Variants in SDK1 observed in about 807,000 individuals in gnomAD.
The protein encoded by SDK1 is protein sidekick-1.
In SDK1, 157 loss-of-function variants were observed where a neutral mutation model predicts 245.5. The observed-to-expected ratio is 0.64, with a 90% CI of 0.56 to 0.73. SDK1 has a LOEUF of 0.73. Among genes scored for constraint, SDK1 ranks in the 30% least tolerant of loss-of-function variants. The pLI is 0.00. For synonymous variants in SDK1, 1,647 were observed against 1,278.5 expected, an observed-to-expected ratio of 1.29 and a Z score of -6.15; for missense variants, 3,583 against 3,002.3, an observed-to-expected ratio of 1.19 and a Z score of -4.52.
At chr7:4,029,610 G>T (rs1467256852) in intron 17 of SDK1, among the ~76,000 whole-genome samples, 1 of 152,064 alleles carries the variant, frequency 6.6e-6, no homozygotes, top group Non-Finnish European at 1.5e-5. Context: ...GTCATTAGAT[G>T]GACTCCCACT....
At chr7:3,890,662 G>A (rs1199480473) in intron 5 of SDK1, among the ~76,000 whole-genome samples, 1 of 151,676 alleles carries the variant, frequency 6.6e-6, no homozygotes, top group Non-Finnish European at 1.5e-5. Flanking sequence ...AAAAAAAGTA[G>A]CGGGTGTGGT....
At chr7:4,106,647 C>A (rs1584152059) in intron 22 of SDK1, among the ~76,000 whole-genome samples, 1 of 152,212 alleles carries the variant, frequency 6.6e-6, no homozygotes, top group South Asian at 2.1e-4. Flanking sequence ...GCAGAGGGAG[C>A]CGCACGCCCG....
intron 1 of SDK1, among the ~76,000 whole-genome samples, chr7:3,608,049 A>T (rs1434562432): frequency 6.6e-6 from 1 of 152,136 alleles, no homozygotes; most frequent in African/African-American, 2.4e-5. Flanking sequence ...TCGTGAGAAA[A>T]CTTCTGGCAC....
chr7:3,850,261 G>A (rs953138581), intron 5 of SDK1, among the ~76,000 whole-genome samples: 7 of 152,178 alleles, frequency 4.6e-5, no homozygotes, highest in African/African-American at 1.7e-4. Context: ...TGTCAAAGGG[G>A]ACAGCAATGC....
chr7:3,517,306 C>T (rs1583986171), intron 1 of SDK1, among the ~76,000 whole-genome samples: 1 of 152,122 alleles, frequency 6.6e-6, no homozygotes, highest in Non-Finnish European at 1.5e-5. Flanking sequence ...AATGTTTAAT[C>T]TGTTTTCATG....
At chr7:3,980,963 A>T (rs1783356443) in intron 13 of SDK1, among the ~76,000 whole-genome samples, 1 of 152,138 alleles carries the variant, frequency 6.6e-6, no homozygotes. Context: ...AAAGAAAAAA[A>T]GAAATAGTTT....
At chr7:3,712,012 T>A (rs1562388806) in intron 4 of SDK1, among the ~76,000 whole-genome samples, 1 of 152,172 alleles carries the variant, frequency 6.6e-6, no homozygotes, top group Admixed American at 6.5e-5. Flanking sequence ...GACAGTTCCA[T>A]AAGAACATGC....
At chr7:3,464,362 A>G (rs1266490037) in intron 1 of SDK1, among the ~76,000 whole-genome samples, 2 of 152,096 alleles carry the variant, frequency 1.3e-5, no homozygotes. Flanking sequence ...CATCTTTACA[A>G]AAATTTAAAA....
In SDK1 at chr7:4,063,801, C is replaced by T. The variant is rs78313344; in HGVS notation, c.2912-4037C>T. Among the ~76,000 whole-genome samples, 866 of 152,062 alleles carry T rather than the reference C, an allele frequency of 5.7e-3. 16 individuals are homozygous for T. Among genetic ancestry groups the T allele is most frequent in the Non-Finnish European group, 6.7e-3 (458 of 67,958 alleles). On this transcript the variant is annotated intron_variant, in intron 19 of 44. Transcript: ENST00000404826. ...CATAGACCAATGGAACAGAATAGAG[C>T]ACCCAGAAACATATCCATATATTTA...
intron 22 of SDK1, among the ~76,000 whole-genome samples, chr7:4,094,089 T>C (rs927241772): frequency 9.2e-5 from 14 of 151,998 alleles, no homozygotes; most frequent in African/African-American, 1.7e-4. Flanking sequence ...CGGACTCTCA[T>C]TCCGTTGCCC....
chr7:3,801,544 G>A (rs1779107083), intron 4 of SDK1, among the ~76,000 whole-genome samples: 1 of 152,104 alleles, frequency 6.6e-6, no homozygotes, highest in African/African-American at 2.4e-5. Flanking sequence ...TCTCTCCTTA[G>A]CCCTAAGGGT....
At chr7:4,155,650 G>A (rs1196181743) in intron 30 of SDK1, among the ~76,000 whole-genome samples, 1 of 152,198 alleles carries the variant, frequency 6.6e-6, no homozygotes, top group Non-Finnish European at 1.5e-5. Context: ...AATCATTTCT[G>A]CAACACCTAC....
At chr7:3,352,180 C>G (rs948458006) in intron 1 of SDK1, among the ~76,000 whole-genome samples, 2 of 149,658 alleles carry the variant, frequency 1.3e-5, no homozygotes, top group African/African-American at 4.9e-5. Flanking sequence ...AAAAGTTTTA[C>G]AAAATGGAAA....
At chr7:3,568,427 T>C (rs1289040970) in intron 1 of SDK1, among the ~76,000 whole-genome samples, 4 of 152,186 alleles carry the variant, frequency 2.6e-5, no homozygotes, top group African/African-American at 4.8e-5. Context: ...GTATATTTTT[T>C]TCTCACTAGA....
intron 20 of SDK1, among the ~76,000 whole-genome samples, chr7:4,074,916 ATTTTT>A (rs55899344): frequency 9.3e-5 from 6 of 64,600 alleles, no homozygotes; most frequent in South Asian, 5.9e-4. Flanking sequence ...ATATATATAT[ATTTTT>A]TTTTTTTTTT....
At chr7:3,684,183 T>C (rs1784202656) in intron 4 of SDK1, among the ~76,000 whole-genome samples, 2 of 152,186 alleles carry the variant, frequency 1.3e-5, no homozygotes, top group Non-Finnish European at 2.9e-5. Flanking sequence ...AGCGTGGAGC[T>C]AAGCCTCTAC....
At chr7:3,578,662 C>A (rs1428704079) in intron 1 of SDK1, among the ~76,000 whole-genome samples, 1 of 151,824 alleles carries the variant, frequency 6.6e-6, no homozygotes, top group African/African-American at 2.4e-5. Flanking sequence ...CTTAATATTC[C>A]TTGCTAGGAA....
intron 4 of SDK1, chr7:3,643,306 C>A (rs1782711554): frequency 6.7e-6 from 1 of 150,016 alleles, no homozygotes; most frequent in Non-Finnish European, 1.5e-5. Flanking sequence ...TCGTGATTCT[C>A]ATCTCCCACC....
intron 4 of SDK1, among the ~76,000 whole-genome samples, chr7:3,692,131 A>G (rs897429805): frequency 1.1e-4 from 16 of 152,168 alleles, no homozygotes; most frequent in Non-Finnish European, 2.4e-4. Context: ...AAATACTTAT[A>G]TTAATAATTT....
Sources: gnomAD v4.1 joint callset for allele counts (sites outside exome capture counted in the v4.1 genomes callset) on GRCh38, gnomAD v4.1.1 for gene constraint, MANE v1.5 for transcripts, NCBI Gene and HGNC (gene_info 2026-07-23, HGNC 2026-07-21) for gene names.